TPPP: variants seen among roughly 807,000 people sequenced by gnomAD.
TPPP encodes tubulin polymerization-promoting protein.
Under a neutral mutation model 15.5 loss-of-function variants are expected in TPPP, and 6 were observed. The observed-to-expected ratio is 0.39, with a 90% CI of 0.21 to 0.77. TPPP has a LOEUF of 0.77. Among genes scored for constraint, TPPP ranks in the 30% least tolerant of loss-of-function variants. The pLI is 0.42. For missense variants in TPPP, 269 were observed against 307.2 expected (o/e 0.88, Z 0.93); for synonymous variants, 146 against 133.9 (o/e 1.09, Z -0.63).
At chr5:677,276 ACT>A (rs1039248979) in intron 2 of TPPP, among the ~76,000 whole-genome samples, 1 of 151,958 alleles carries the variant, frequency 6.6e-6, no homozygotes. Flanking sequence ...AACCTCTGAG[ACT>A]CAGCCGCTGA....
chr5:669,859 C>G (rs1023176552), intron 2 of TPPP, among the ~76,000 whole-genome samples: 3 of 152,134 alleles, frequency 2.0e-5, no homozygotes, highest in Non-Finnish European at 2.9e-5. Context: ...CTGCCTCTTC[C>G]CCAGAGACAC....
In TPPP at chr5:661,717, C is replaced by T. The variant is rs562127892; in HGVS notation, c.*3385G>A. 1.3e-5 allele frequency: 2 copies of T among 152,514 alleles called. No individual in the cohort carries two copies. Among genetic ancestry groups the T allele is most frequent in the East Asian group, 1.9e-4 (1 of 5,328 alleles). 9.4% of individuals were successfully genotyped at this position (152,514 alleles called of 1,614,324 possible). The stretch of plus-strand genomic sequence containing the variant: ...CGGAGGCGGCACACAGATGCAATTA[C>T]GGATTCCACAGACAAGTTGTAACTG... On this transcript the variant is annotated 3_prime_UTR_variant, in exon 4 of 4. Transcript: ENST00000360578.
Position 677,024 on chromosome 5 carries a change from G to T in TPPP, c.311+726C>A, listed in dbSNP as rs372395622. The stretch of plus-strand genomic sequence containing the variant: ...CGTGCACACGCAGAAACGCGCACAC[G>T]TGCACACACGACGCGGAAACGCACA... On this transcript the variant is annotated intron_variant, in intron 2 of 3. Transcript: ENST00000360578. 1.1e-4 allele frequency among the ~76,000 whole-genome samples: 17 copies of T among 149,032 alleles called. No individual in the cohort carries two copies. In the East Asian group the frequency reaches 3.3e-3, roughly 29 times the overall value.
chr5:692,168 T>C (rs1033392320), intron 1 of TPPP, among the ~76,000 whole-genome samples: 2 of 14,334 alleles, frequency 1.4e-4, no homozygotes, highest in African/African-American at 4.4e-4. Flanking sequence ...CCCAACCACC[T>C]ATCAAAACAG....
chr5:671,003 CCCAGGGCGGGCTGAGGG>C (rs1446919526), intron 2 of TPPP, among the ~76,000 whole-genome samples: 1 of 152,206 alleles, frequency 6.6e-6, no homozygotes, highest in Admixed American at 6.5e-5. Flanking sequence ...CAGCTCAGGC[CCCAGGGCGGGCTGAGGG>C]CCAGGGCCCT....
chr5:679,420 AGGGCCGCCTGGGGGC>A (rs1561090251), intron 1 of TPPP, among the ~76,000 whole-genome samples: 7 of 99,304 alleles, frequency 7.0e-5, no homozygotes, highest in Middle Eastern at 5.7e-3. Flanking sequence ...TGGGGGTGGA[AGGGCCGCCTGGGGGC>A]AGGATCCTGG....
intron 1 of TPPP, among the ~76,000 whole-genome samples, chr5:686,388 A>AC (rs201505732): frequency 0.15 from 22,731 of 150,420 alleles, 437 homozygotes; most frequent in South Asian, 0.18. Context: ...CGAGGCTCTC[A>AC]AGGGGGCAGA....
intron 1 of TPPP, among the ~76,000 whole-genome samples, chr5:684,844 A>G (rs1479804699): frequency 6.6e-6 from 1 of 152,202 alleles, no homozygotes; most frequent in Admixed American, 6.5e-5. Context: ...TCAGGCAGTC[A>G]GAGCTCCCAA....
chr5:682,133 T>G (rs1410608148), intron 1 of TPPP, among the ~76,000 whole-genome samples: 28 of 150,394 alleles, frequency 1.9e-4, no homozygotes, highest in Non-Finnish European at 2.2e-4. Flanking sequence ...AGAACAGAAT[T>G]GACAGGGCTG....
intron 2 of TPPP, among the ~76,000 whole-genome samples, chr5:668,641 G>A (rs1312763513): frequency 6.6e-6 from 1 of 152,266 alleles, no homozygotes; most frequent in Non-Finnish European, 1.5e-5. Context: ...ACTGTGGACA[G>A]CTTCTCATCA....
chr5:675,112 A>C (rs1298369773), intron 2 of TPPP, among the ~76,000 whole-genome samples: 5 of 5,476 alleles, frequency 9.1e-4, no homozygotes, highest in African/African-American at 4.4e-3. Flanking sequence ...GGGGTGCAGC[A>C]CGGGGGGTAC....
At chr5:693,570 G>C (rs1197889564), upstream of TPPP, among the ~76,000 whole-genome samples, 3 of 151,606 alleles carry the variant, frequency 2.0e-5, no homozygotes, top group East Asian at 2.0e-4. Context: ...CAGGCCCCGC[G>C]GACCGCCGGG....
At chr5:686,448 A>G in intron 1 of TPPP, among the ~76,000 whole-genome samples, 1 of 151,848 alleles carries the variant, frequency 6.6e-6, no homozygotes, top group Non-Finnish European at 1.5e-5. Context: ...CATCCAGCGC[A>G]GCTTCACTGA....
intron 1 of TPPP, among the ~76,000 whole-genome samples, chr5:683,546 C>T (rs1051648499): frequency 8.5e-5 from 13 of 152,226 alleles, no homozygotes; most frequent in Non-Finnish European, 1.6e-4. Flanking sequence ...GGAGCTGCTC[C>T]CTCTACCCCT....
At chr5:673,841 C>T (rs187424398) in intron 2 of TPPP, among the ~76,000 whole-genome samples, 3 of 152,336 alleles carry the variant, frequency 2.0e-5, no homozygotes, top group East Asian at 3.9e-4. Flanking sequence ...TCCTGGGGTG[C>T]CAGCACCCCC....
rs1473447933 is a variant in TPPP at position 683,309 on chromosome 5, C to T, written c.-4-5245G>A. The stretch of plus-strand genomic sequence containing the variant: ...CGGAGAAAGACACTCTGATGGCAGC[C>T]GACTGGATTCCACCAGAACCCGAGG... On this transcript the variant is annotated intron_variant, in intron 1 of 3. Coordinates refer to ENST00000360578, the MANE Select transcript of TPPP (RefSeq NM_007030.3). Among the ~76,000 whole-genome samples the T allele has an allele frequency of 3.3e-5, 5 of 152,068 alleles. No homozygotes were observed. The East Asian group carries it at 7.7e-4, about 23-fold the overall frequency.
chr5:675,596 TG>T (rs1200576069), intron 2 of TPPP, among the ~76,000 whole-genome samples: 2 of 104,536 alleles, frequency 1.9e-5, no homozygotes, highest in Non-Finnish European at 4.1e-5. Context: ...GGGTGCAGCA[TG>T]GGGGGTACAG....
chr5:672,975 G>A (rs1740275561), intron 2 of TPPP, among the ~76,000 whole-genome samples: 1 of 152,338 alleles, frequency 6.6e-6, no homozygotes, highest in East Asian at 1.9e-4. Context: ...CGCCACGCCG[G>A]TGGAGCCATG....
chr5:692,541 G>C (rs375940703), intron 1 of TPPP: 1 of 970,836 alleles, frequency 1.0e-6, no homozygotes, highest in South Asian at 4.8e-5. Flanking sequence ...GCCACTGCCC[G>C]GGAGGGACAG....
Sources: gnomAD v4.1 joint callset for allele counts (sites outside exome capture counted in the v4.1 genomes callset) on GRCh38, gnomAD v4.1.1 for gene constraint, MANE v1.5 for transcripts, NCBI Gene and HGNC (gene_info 2026-07-23, HGNC 2026-07-21) for gene names.